The following DACH2 variants were observed in gnomAD, a reference collection of about 807,000 sequenced individuals.
DACH2 encodes the protein dachshund family transcription factor 2.
In DACH2, 17 loss-of-function variants were observed where a neutral mutation model predicts 35.8. The observed-to-expected ratio is 0.48, with a 90% confidence interval of 0.33 to 0.71. The LOEUF (loss-of-function observed/expected upper bound fraction) is 0.71, where lower values mean the gene tolerates loss of function less well. Among genes scored for constraint, DACH2 ranks in the 30% least tolerant of loss-of-function variants. The pLI is 0.02. For synonymous variants in DACH2, 195 were observed against 177.3 expected, an observed-to-expected ratio of 1.10 and a Z score of -0.79; for missense variants, 469 against 472.7, an observed-to-expected ratio of 0.99 and a Z score of 0.07.
chrX:86,332,813 A>G (rs1040107880), intron 1 of DACH2, among the ~76,000 whole-genome samples: 4 of 112,144 alleles, frequency 3.6e-5, no homozygotes, highest in Non-Finnish European at 7.5e-5. Context: ...TTCCAGTGCA[A>G]TATATTATAA....
intron 2 of DACH2, among the ~76,000 whole-genome samples, chrX:86,429,180 G>A (rs1048561649): frequency 3.6e-5 from 4 of 110,212 alleles, no homozygotes; most frequent in Non-Finnish European, 5.7e-5. Context: ...TGTGGGCTTC[G>A]GAAAATGCAG....
chrX:86,698,870 T>G (rs951183513), intron 5 of DACH2, among the ~76,000 whole-genome samples: 1 of 110,631 alleles, frequency 9.0e-6, no homozygotes, highest in Non-Finnish European at 1.9e-5. Context: ...CACATAATGG[T>G]CTGTTCAAAC....
At chrX:86,795,232 C>CT (rs35324617) in intron 7 of DACH2, among the ~76,000 whole-genome samples, 36,256 of 85,016 alleles carry the variant, frequency 0.43, 7,329 homozygotes, top group Non-Finnish European at 0.54. Flanking sequence ...GAAGCATGTT[C>CT]TTTTTTTTTT....
intron 4 of DACH2, among the ~76,000 whole-genome samples, chrX:86,671,817 C>T (rs1166601173): frequency 2.7e-5 from 3 of 111,749 alleles, no homozygotes; most frequent in Admixed American, 9.5e-5. Context: ...AGCTTTGAAA[C>T]TGGGTAATGG....
chrX:86,369,838 C>T (rs1310433355), intron 1 of DACH2, among the ~76,000 whole-genome samples: 1 of 111,570 alleles, frequency 9.0e-6, no homozygotes, highest in Non-Finnish European at 1.9e-5. Flanking sequence ...AAAGTTTACT[C>T]AGATTCTAGA....
In DACH2 at chrX:86,667,602, A is replaced by AAG. The variant is rs1556364345; in HGVS notation, c.772+16437_772+16438dup. On this transcript the variant is annotated intron_variant, in intron 4 of 11. Transcript: ENST00000373125. ...AAAGAAAGAAAGAAAGAAAGAAAGA[A>AAG]AGAAAGAAAGAAAGGCAGGCAGGCC... is the stretch of plus-strand genomic sequence containing the variant. Among the ~76,000 whole-genome samples the AAG allele has an allele frequency of 9.0e-3, 922 of 102,676 alleles. 39 individuals are homozygous for AAG. The highest frequency in any genetic ancestry group is 0.035 in the African/African-American group (879 of 25,284). 89.2% of individuals were successfully genotyped at this position (102,676 alleles called of 115,157 possible). A position where few individuals can be genotyped will look rare whatever the true frequency, so the allele number is the denominator to read the frequency against.
chrX:86,553,424 C>G (rs780460767), intron 3 of DACH2, among the ~76,000 whole-genome samples: 6 of 111,570 alleles, frequency 5.4e-5, no homozygotes, highest in Non-Finnish European at 9.4e-5. Flanking sequence ...CACCAGTCCA[C>G]CGACTCAAAT....
At chrX:86,795,391 G>C (rs760281673) in intron 7 of DACH2, among the ~76,000 whole-genome samples, 2 of 109,664 alleles carry the variant, frequency 1.8e-5, no homozygotes, top group African/African-American at 6.7e-5. Context: ...GTGCCACCAC[G>C]CCCGGCCGAT....
At chrX:86,566,980 G>A (rs1372746692) in intron 3 of DACH2, among the ~76,000 whole-genome samples, 1 of 111,758 alleles carries the variant, frequency 8.9e-6, no homozygotes, top group Non-Finnish European at 1.9e-5. Context: ...ACATATGTAT[G>A]AACTCCGTTG....
intron 7 of DACH2, among the ~76,000 whole-genome samples, chrX:86,789,530 T>C (rs2042168056): frequency 8.9e-6 from 1 of 112,123 alleles, no homozygotes; most frequent in Non-Finnish European, 1.9e-5. Flanking sequence ...ATACAATTTA[T>C]AAAACATATC....
chrX:86,794,927 G>A (rs2042220135), intron 7 of DACH2, among the ~76,000 whole-genome samples: 1 of 111,661 alleles, frequency 9.0e-6, no homozygotes, highest in African/African-American at 3.3e-5. Flanking sequence ...TGGTGGTTGA[G>A]AATCATAGGC....
intron 3 of DACH2, among the ~76,000 whole-genome samples, chrX:86,539,296 G>A (rs2038847876): frequency 9.0e-6 from 1 of 111,369 alleles, no homozygotes; most frequent in Middle Eastern, 4.6e-3. Context: ...TGCCATGATT[G>A]TAAGTTTCCT....
chrX:86,493,198 G>A (rs894285547), intron 2 of DACH2, among the ~76,000 whole-genome samples: 1 of 110,354 alleles, frequency 9.1e-6, no homozygotes, highest in African/African-American at 3.3e-5. Context: ...ATCTCCTTGT[G>A]GTTTTGATTT....
intron 4 of DACH2, among the ~76,000 whole-genome samples, chrX:86,683,843 A>G (rs2040910628): frequency 9.0e-6 from 1 of 111,420 alleles, no homozygotes; most frequent in Admixed American, 9.6e-5. Context: ...ATATTTCCAT[A>G]TCAGATATTA....
chrX:86,266,479 AACATTAT>A (rs1208602599), intron 1 of DACH2, among the ~76,000 whole-genome samples: 1 of 112,042 alleles, frequency 8.9e-6, no homozygotes, highest in African/African-American at 3.2e-5. Flanking sequence ...ACGTTCTAAA[AACATTAT>A]AAGATAGTGG....
At chrX:86,252,191 A>AT (rs1002506875) in intron 1 of DACH2, among the ~76,000 whole-genome samples, 60 of 107,205 alleles carry the variant, frequency 5.6e-4, no homozygotes, top group African/African-American at 1.4e-3. Context: ...GATGTGATTG[A>AT]TTTTTTTTTC....
At chrX:86,456,538 T>A (rs1162432914) in intron 2 of DACH2, among the ~76,000 whole-genome samples, 2 of 111,748 alleles carry the variant, frequency 1.8e-5, no homozygotes, top group Non-Finnish European at 3.8e-5. Context: ...ATTTCACTTA[T>A]AATATATATG....
intron 3 of DACH2, among the ~76,000 whole-genome samples, chrX:86,564,849 G>A (rs1273372245): frequency 1.8e-5 from 2 of 111,122 alleles, no homozygotes; most frequent in South Asian, 3.8e-4. Context: ...GGAAGCACAG[G>A]GAATATTAGT....
Position 86,201,101 on chromosome X carries a change from C to T in DACH2, c.488+51993C>T, listed in dbSNP as rs139429388. ...TAAATAAATATCATGGAATACTATG[C>T]AGTCATAGAAAAGAATGAGATTATG... On this transcript the variant is annotated intron_variant, in intron 1 of 11. Transcript: ENST00000373125. Among the ~76,000 whole-genome samples the T allele has an allele frequency of 3.7e-4, 41 of 111,316 alleles. No homozygotes were observed. In the East Asian group the frequency reaches 0.01, roughly 28 times the overall value.
Sources: allele counts gnomAD v4.1 joint callset (sites outside exome capture counted in the v4.1 genomes callset), GRCh38; gene constraint gnomAD v4.1.1; transcripts MANE v1.5; gene names NCBI Gene and HGNC (gene_info 2026-07-23, HGNC 2026-07-21).